The following CACNA2D3 variants were observed in gnomAD, a reference collection of about 807,000 sequenced individuals.
CACNA2D3 encodes calcium voltage-gated channel auxiliary subunit alpha2delta 3.
A neutral mutation model predicts 160.6 loss-of-function variants in CACNA2D3; 60 were observed. The observed-to-expected ratio is 0.37, with a 90% CI of 0.30 to 0.46. The LOEUF is 0.46. Ranked by LOEUF, CACNA2D3 falls within the 20% of genes least tolerant of loss-of-function variation. CACNA2D3 has a pLI of 1.00. For missense variants in CACNA2D3, 1,205 were observed against 1,365.0 expected (o/e 0.88, Z 1.85); for synonymous variants, 558 against 492.9 (o/e 1.13, Z -1.75).
At chr3:54,952,374 C>T (rs947105327) in intron 27 of CACNA2D3, among the ~76,000 whole-genome samples, 1 of 152,126 alleles carries the variant, frequency 6.6e-6, no homozygotes, top group African/African-American at 2.4e-5. Context: ...AGGGAGGCCG[C>T]AAACATGAAG....
At chr3:54,648,503 T>C (rs1217218852) in intron 11 of CACNA2D3, among the ~76,000 whole-genome samples, 2 of 152,252 alleles carry the variant, frequency 1.3e-5, no homozygotes, top group Non-Finnish European at 2.9e-5. Flanking sequence ...AGCATATTGC[T>C]GAAAGTCATT....
chr3:54,557,604 C>T (rs138821090), intron 5 of CACNA2D3, among the ~76,000 whole-genome samples: 64 of 152,252 alleles, frequency 4.2e-4, no homozygotes, highest in African/African-American at 1.4e-3. Flanking sequence ...TTTTATGACG[C>T]CGACATAATT....
At chr3:54,615,884 G>C (rs746861997) in intron 9 of CACNA2D3, among the ~76,000 whole-genome samples, 7 of 152,174 alleles carry the variant, frequency 4.6e-5, no homozygotes, top group Non-Finnish European at 8.8e-5. Context: ...TCAGCCAGCA[G>C]CATCATTTGA....
chr3:54,404,776 G>A lies in CACNA2D3; in HGVS notation c.381+18002G>A, dbSNP rs1575437220. Among the ~76,000 whole-genome samples, 6 of 152,072 alleles carry A rather than the reference G, an allele frequency of 3.9e-5. 1 individual carries two copies. Among genetic ancestry groups the A allele is most frequent in the Admixed American group, 6.5e-5 (1 of 15,270 alleles). On this transcript the variant is annotated intron_variant, in intron 4 of 37. Transcript: ENST00000474759. ...GCTGTTAGATCTCAATAAAGTTGCAGGATGTAAAATAAAGATACAAAAATT... is the reference window on the plus strand; with the variant it reads ...GCTGTTAGATCTCAATAAAGTTGCAAGATGTAAAATAAAGATACAAAAATT...
chr3:54,646,195 CT>C (rs1452343389), intron 11 of CACNA2D3, among the ~76,000 whole-genome samples: 490 of 5,316 alleles, frequency 0.092, 45 homozygotes, highest in South Asian at 0.11. Flanking sequence ...TCCTTCCTTG[CT>C]TCCTTCCTTC....
intron 11 of CACNA2D3, among the ~76,000 whole-genome samples, chr3:54,743,456 A>C (rs1212493373): frequency 6.6e-6 from 1 of 152,180 alleles, no homozygotes; most frequent in East Asian, 1.9e-4. Flanking sequence ...AGGACCTTCC[A>C]GGGCATCTTA....
At chr3:54,294,586 C>G (rs1305141823) in intron 2 of CACNA2D3, among the ~76,000 whole-genome samples, 1 of 152,104 alleles carries the variant, frequency 6.6e-6, no homozygotes, top group Non-Finnish European at 1.5e-5. Flanking sequence ...TGGACTTGTT[C>G]CCCACGCTTT....
chr3:54,905,709 G>A (rs1700436240), intron 27 of CACNA2D3, among the ~76,000 whole-genome samples: 1 of 152,168 alleles, frequency 6.6e-6, no homozygotes, highest in African/African-American at 2.4e-5. Context: ...CATCTAGTGG[G>A]TAGAGGTCAG....
At chr3:54,339,324 TG>T (rs1704464244) in intron 3 of CACNA2D3, among the ~76,000 whole-genome samples, 1 of 152,218 alleles carries the variant, frequency 6.6e-6, no homozygotes, top group African/African-American at 2.4e-5. Flanking sequence ...TTCTTCTCTT[TG>T]GGGAAAATTT....
intron 13 of CACNA2D3, among the ~76,000 whole-genome samples, chr3:54,788,614 G>A (rs995338355): frequency 6.6e-6 from 1 of 152,144 alleles, no homozygotes; most frequent in African/African-American, 2.4e-5. Flanking sequence ...AATTTCTGAG[G>A]CTCCTTGACA....
intron 11 of CACNA2D3, among the ~76,000 whole-genome samples, chr3:54,746,066 G>A (rs1028495099): frequency 2.0e-5 from 3 of 152,056 alleles, no homozygotes; most frequent in African/African-American, 7.2e-5. Context: ...TTTATTATGA[G>A]CGTGATGGCT....
At chr3:54,123,449 G>T (rs1699518159) in intron 1 of CACNA2D3, 64 bp from the exon 2 acceptor site, 8 of 1,031,152 alleles carry the variant, frequency 7.8e-6, no homozygotes, top group Non-Finnish European at 1.1e-5. Flanking sequence ...GTGCGTGTGC[G>T]TGTGCGTGCG....
intron 6 of CACNA2D3, among the ~76,000 whole-genome samples, chr3:54,569,372 C>G (rs1027616490): frequency 1.3e-5 from 2 of 152,154 alleles, no homozygotes; most frequent in African/African-American, 4.8e-5. Flanking sequence ...CTTTCAACCC[C>G]CCTCCTGTAG....
rs139844333 is a variant in CACNA2D3 at position 54,513,489 on chromosome 3, T to C, written c.544+9835T>C. On this transcript the variant is annotated intron_variant, in intron 5 of 37. Coordinates refer to ENST00000474759, the MANE Select transcript of CACNA2D3 (RefSeq NM_018398.3). ...CAGGAACCATTACTAATTCCCACTT[T>C]AGAGGTGAGAAAACTGAGGCTTAGA... Among the ~76,000 whole-genome samples, 12 of 152,270 alleles carry C rather than the reference T, an allele frequency of 7.9e-5. No homozygotes were observed. The East Asian group carries it at 1.7e-3, about 22-fold the overall frequency.
intron 4 of CACNA2D3, among the ~76,000 whole-genome samples, chr3:54,464,580 A>G (rs567368370): frequency 5.3e-5 from 8 of 152,138 alleles, no homozygotes; most frequent in South Asian, 2.1e-4. Flanking sequence ...CTCCGAGCCA[A>G]GTGCGGGATA....
At chr3:54,391,264 C>T (rs1465921033) in intron 4 of CACNA2D3, among the ~76,000 whole-genome samples, 1 of 152,202 alleles carries the variant, frequency 6.6e-6, no homozygotes, top group Admixed American at 6.5e-5. Flanking sequence ...TTTAAATTCC[C>T]CTTGCCATCT....
intron 35 of CACNA2D3, among the ~76,000 whole-genome samples, chr3:55,061,456 G>T (rs981839501): frequency 6.6e-6 from 1 of 152,198 alleles, no homozygotes; most frequent in East Asian, 1.9e-4. Flanking sequence ...TAGTGGTGAT[G>T]ATACGGAATT....
At chr3:54,513,495 T>G (rs566300090) in intron 5 of CACNA2D3, among the ~76,000 whole-genome samples, 1 of 152,200 alleles carries the variant, frequency 6.6e-6, no homozygotes, top group South Asian at 2.1e-4. Context: ...ACTTTAGAGG[T>G]GAGAAAACTG....
chr3:54,288,665 T>A (rs371768173), intron 2 of CACNA2D3, among the ~76,000 whole-genome samples: 1,716 of 152,130 alleles, frequency 0.011, 30 homozygotes, highest in South Asian at 0.043. Flanking sequence ...TTGATGCAAA[T>A]ATCCTCAATC....
Sources: gnomAD v4.1 joint callset for allele counts (sites outside exome capture counted in the v4.1 genomes callset) on GRCh38, gnomAD v4.1.1 for gene constraint, MANE v1.5 for transcripts, NCBI Gene and HGNC (gene_info 2026-07-23, HGNC 2026-07-21) for gene names.